The following LOX variants were observed in gnomAD, a reference collection of about 807,000 sequenced individuals.
LOX encodes protein-lysine 6-oxidase.
In LOX, 12 loss-of-function variants were observed where a neutral mutation model predicts 50.5. The observed-to-expected ratio is 0.24, with a 90% CI of 0.15 to 0.38. LOX has a LOEUF of 0.38. LOX is among the 10% of genes least tolerant of loss of function. The pLI is 1.00. For missense variants in LOX, 504 were observed against 563.8 expected, an observed-to-expected ratio of 0.89 and a Z score of 1.07; for synonymous variants, 254 against 230.6, an observed-to-expected ratio of 1.10 and a Z score of -0.92.
Position 122,070,048 on chromosome 5 carries a change from C to T in LOX, c.1247+5G>A. 1 of 1,592,682 alleles carries T rather than the reference C, an allele frequency of 6.3e-7. No homozygotes were observed. The highest frequency in any genetic ancestry group is 8.6e-7 in the Non-Finnish European group (1 of 1,160,854). On this transcript the variant is annotated splice_donor_5th_base_variant and intron_variant, in intron 6 of 6. Transcript: ENST00000231004. ...CAATTACTTAGCTAAGCAAATAACA[C>T]TTACGGTGAAATTGTGCAGCCTGAG...
rs1294203641 is a variant in LOX, at chr5:122,077,070, C to T, written c.632-69G>A. On this transcript the variant is annotated intron_variant, in intron 1 of 6. Coordinates refer to ENST00000231004, the MANE Select transcript of LOX (RefSeq NM_002317.7). The surrounding 1 kb of genome is among the most constrained non-coding windows in gnomAD (Gnocchi z 4.9). ...CGCCCCCCGCTCCAACTCCCTACCC[C>T]TCTAGGTCCCTTACTCCTCACCCTT... The T allele has an allele frequency of 6.3e-6, 10 of 1,585,062 alleles. No homozygotes were observed. The highest frequency in any genetic ancestry group is 1.7e-5 in the Admixed American group (1 of 57,450).
intron 4 of LOX, among the ~76,000 whole-genome samples, chr5:122,071,021 T>C (rs955354457): frequency 1.7e-4 from 26 of 152,134 alleles, no homozygotes; most frequent in Admixed American, 1.4e-3. Flanking sequence ...ATACTTTTTA[T>C]TGTGGATAGC....
chr5:122,075,340 A>G (rs1754585376), intron 3 of LOX, 64 bp downstream of exon 3: 2 of 1,402,238 alleles, frequency 1.4e-6, no homozygotes, highest in South Asian at 1.5e-5. Flanking sequence ...TGCATTTGTG[A>G]TATCAAAAAT....
rs1754254113 is a variant in LOX, at chr5:122,064,751, C to G, written c.*1992G>C. 6.6e-6 allele frequency: 1 copy of G among 151,758 alleles called. No individual in the cohort carries two copies. 9.4% of individuals were successfully genotyped at this position (151,758 alleles called of 1,614,324 possible). On this transcript the variant is annotated 3_prime_UTR_variant, in exon 7 of 7. Coordinates refer to ENST00000231004, the MANE Select transcript of LOX (RefSeq NM_002317.7). Reference sequence around the variant, plus strand: ...TGTCTCAATGCATACCATGTGAGTACTTGGCATATATTAGGCCTTCAAATG... The same window carrying G: ...TGTCTCAATGCATACCATGTGAGTAGTTGGCATATATTAGGCCTTCAAATG...
intron 4 of LOX, among the ~76,000 whole-genome samples, chr5:122,071,524 C>T (rs10519694): frequency 0.2 from 30,861 of 152,062 alleles, 3,875 homozygotes; most frequent in Non-Finnish European, 0.26. Flanking sequence ...TAAATGAATG[C>T]CTTCTACAGG....
intron 5 of LOX, 88 bp from the exon 6 acceptor site, chr5:122,070,256 AG>A (rs1754411637): frequency 2.5e-6 from 2 of 799,468 alleles, no homozygotes; most frequent in South Asian, 3.0e-5. Context: ...TAAATCAAGC[AG>A]GGAAGGGATT....
intron 4 of LOX, among the ~76,000 whole-genome samples, chr5:122,071,932 G>A (rs1308038339): frequency 6.6e-6 from 1 of 152,138 alleles, no homozygotes; most frequent in Admixed American, 6.6e-5. Context: ...TCACAGCAGT[G>A]AGACTCATAT....
rs10650287 is a variant in LOX, at chr5:122,068,174, TAAAAAAAA to T, written c.1248-1433_1248-1426del. 2.6e-5 allele frequency among the ~76,000 whole-genome samples: 3 copies of T among 115,880 alleles called. No individual in the cohort carries two copies. The South Asian group carries it at 9.2e-4, about 36-fold the overall frequency. The allele number at this position is 115,880 out of a possible 152,430, so 76.0% of individuals were successfully genotyped here. A position where few individuals can be genotyped will look rare whatever the true frequency, so the allele number is the denominator to read the frequency against. ...GTTTGTTACAGTCAGTAATAACTAGTAAAAAAAAAAAAAAAAAAAAAAATTCAACTCTA... is the reference window on the plus strand; with the variant it reads ...GTTTGTTACAGTCAGTAATAACTAGTAAAAAAAAAAAAAAATTCAACTCTA... On this transcript the variant is annotated intron_variant, in intron 6 of 6. Coordinates refer to ENST00000231004, the MANE Select transcript of LOX (RefSeq NM_002317.7).
chr5:122,076,840 G>T, intron 2 of LOX, 53 bp downstream of exon 2: 1 of 1,505,520 alleles, frequency 6.6e-7, no homozygotes, highest in Non-Finnish European at 9.2e-7. Context: ...AGGCACCAGA[G>T]CGCCCCCTGA....
chr5:122,076,531 C>G (rs986243465), intron 2 of LOX, among the ~76,000 whole-genome samples: 1 of 152,200 alleles, frequency 6.6e-6, no homozygotes, highest in Non-Finnish European at 1.5e-5. Flanking sequence ...GGTATTAACA[C>G]ACCCTTCCAT....
Position 122,065,402 on chromosome 5 carries a change from A to C in LOX, c.*1341T>G, listed in dbSNP as rs1051716284. The C allele has an allele frequency of 6.6e-6, 1 of 152,136 alleles. No homozygotes were observed. The highest frequency in any genetic ancestry group is 2.1e-4 in the South Asian group (1 of 4,830). 9.4% of individuals were successfully genotyped at this position (152,136 alleles called of 1,614,324 possible). A position where few individuals can be genotyped will look rare whatever the true frequency, so the allele number is the denominator to read the frequency against. ...AATTATGCTTAAGCACCACTAACTT[A>C]AAAGTGTAATTTCATTTTCTTGAAT... On this transcript the variant is annotated 3_prime_UTR_variant, in exon 7 of 7. Coordinates refer to ENST00000231004, the MANE Select transcript of LOX (RefSeq NM_002317.7).
rs922650053 is a variant in LOX, at chr5:122,063,878, G to A, written c.*2865C>T. The stretch of plus-strand genomic sequence containing the variant: ...CTATGAGATTTCAAAGAGAAAAAAA[G>A]TACTACAAATAATGCCTAGTGAGTA... On this transcript the variant is annotated 3_prime_UTR_variant, in exon 7 of 7. Coordinates refer to ENST00000231004, the MANE Select transcript of LOX (RefSeq NM_002317.7). 2.0e-5 allele frequency: 3 copies of A among 151,836 alleles called. No homozygotes were observed. Among genetic ancestry groups the A allele is most frequent in the Non-Finnish European group, 4.4e-5 (3 of 67,844 alleles). The allele number at this position is 151,836 out of a possible 1,614,324, so 9.4% of individuals were successfully genotyped here. A position where few individuals can be genotyped will look rare whatever the true frequency, so the allele number is the denominator to read the frequency against.
At chr5:122,066,775 A>C in intron 6 of LOX, 26 bp from the exon 7 acceptor site, 1 of 1,490,430 alleles carries the variant, frequency 6.7e-7, no homozygotes, top group Non-Finnish European at 9.4e-7. Flanking sequence ...AAAATAAGAC[A>C]AATTATTAAC....
rs1754697817 is a variant in LOX, at chr5:122,078,147, ACCCTTC to A, written c.-168_-163del. ...AAGCAATGCCAAGGGTGGGATTCAG[ACCCTTC>A]CCCAGTCAAGGCGGCTGCTCGGACG... On this transcript the variant is annotated 5_prime_UTR_variant, in exon 1 of 7. Transcript: ENST00000231004. 2 of 581,398 alleles carry A rather than the reference ACCCTTC, an allele frequency of 3.4e-6. No individual in the cohort carries two copies. Among genetic ancestry groups the A allele is most frequent in the Non-Finnish European group, 5.3e-6 (2 of 376,338 alleles). The allele number at this position is 581,398 out of a possible 1,614,324, so 36.0% of individuals were successfully genotyped here.
rs745637882 is a variant in LOX, at chr5:122,066,499, G to T, written c.*244C>A. 80 of 416,828 alleles carry T rather than the reference G, an allele frequency of 1.9e-4. No homozygotes were observed. In the Admixed American group the frequency reaches 2.1e-3, roughly 11 times the overall value. The allele number at this position is 416,828 out of a possible 1,614,324, so 25.8% of individuals were successfully genotyped here. On this transcript the variant is annotated 3_prime_UTR_variant, in exon 7 of 7. Coordinates refer to ENST00000231004, the MANE Select transcript of LOX (RefSeq NM_002317.7). ...GAGTCAAATATGTAATTACAGAATT[G>T]AAACACTGTGTTAATTCACAAAGTG...
chr5:122,068,480 A>G (rs1754361476), intron 6 of LOX, among the ~76,000 whole-genome samples: 3 of 152,106 alleles, frequency 2.0e-5, no homozygotes, highest in Admixed American at 2.0e-4. Context: ...TTGTATCTCT[A>G]TTACAGTTAT....
rs897416204 is a variant in LOX at position 122,063,222 on chromosome 5, T to A, written c.*3521A>T. 9 of 151,972 alleles carry A rather than the reference T, an allele frequency of 5.9e-5. No individual in the cohort carries two copies. The highest frequency in any genetic ancestry group is 1.9e-4 in the African/African-American group (8 of 41,410). The allele number at this position is 151,972 out of a possible 1,614,324, so 9.4% of individuals were successfully genotyped here. A position where few individuals can be genotyped will look rare whatever the true frequency, so the allele number is the denominator to read the frequency against. On this transcript the variant is annotated 3_prime_UTR_variant, in exon 7 of 7. Transcript: ENST00000231004. ...CACTTGAAATCATTTATTCAAGGCA[T>A]TTTTATATAATCTTGCAATCATAGT... is the stretch of plus-strand genomic sequence containing the variant.
At chr5:122,069,888 C>T in intron 6 of LOX, 165 bp downstream of exon 6, 1 of 671,834 alleles carries the variant, frequency 1.5e-6, no homozygotes, top group Admixed American at 2.0e-5. Flanking sequence ...CTTTGCCTTC[C>T]ATTATTTAAA....
At position 122,066,340 on chromosome 5, in the gene LOX, T is replaced by C. The variant is rs1400019131; in HGVS notation, c.*403A>G. ...TATGACATATATAAACCCATTATTA[T>C]TATGTTTCACTAAAGTTCCAGCACT... On this transcript the variant is annotated 3_prime_UTR_variant, in exon 7 of 7. Transcript: ENST00000231004. 1 of 175,546 alleles carries C rather than the reference T, an allele frequency of 5.7e-6. No homozygotes were observed. The highest frequency in any genetic ancestry group is 1.2e-5 in the Non-Finnish European group (1 of 82,582). 10.9% of individuals were successfully genotyped at this position (175,546 alleles called of 1,614,324 possible). A position where few individuals can be genotyped will look rare whatever the true frequency, so the allele number is the denominator to read the frequency against.
Sources: allele counts gnomAD v4.1 joint callset (sites outside exome capture counted in the v4.1 genomes callset), GRCh38; gene constraint gnomAD v4.1.1; non-coding constraint Gnocchi (gnomAD v3.1); transcripts MANE v1.5; gene names NCBI Gene and HGNC (gene_info 2026-07-23, HGNC 2026-07-21).